Variants in TEC observed in about 807,000 individuals in gnomAD.
TEC encodes the protein tec protein tyrosine kinase.
Under a neutral mutation model 93.0 loss-of-function variants are expected in TEC, and 72 were observed. That is an observed-to-expected ratio of 0.77 (90% CI 0.64 to 0.94). The LOEUF (loss-of-function observed/expected upper bound fraction) is 0.94, where lower values mean the gene tolerates loss of function less well. Among genes scored for constraint, TEC ranks in the 40% least tolerant of loss-of-function variants. TEC has a pLI of 0.00. For missense variants in TEC, 630 were observed against 757.9 expected (o/e 0.83, Z 1.98); for synonymous variants, 249 against 247.7 (o/e 1.01, Z -0.05).
chr4:48,188,548 T>C (rs1238942612), intron 2 of TEC, among the ~76,000 whole-genome samples: 1 of 152,172 alleles, frequency 6.6e-6, no homozygotes, highest in African/African-American at 2.4e-5. Context: ...TCAAAAGTAA[T>C]TTAACAATTC....
chr4:48,255,670 A>T (rs760032412), intron 1 of TEC, among the ~76,000 whole-genome samples: 2 of 152,228 alleles, frequency 1.3e-5, no homozygotes, highest in Non-Finnish European at 2.9e-5. Context: ...TAAGTAATGT[A>T]ACTTCTCAGT....
chr4:48,253,118 T>C (rs1177975182), intron 1 of TEC, among the ~76,000 whole-genome samples: 1 of 152,156 alleles, frequency 6.6e-6, no homozygotes, highest in African/African-American at 2.4e-5. Flanking sequence ...AAAACACAGA[T>C]TGGGAAACAT....
intron 1 of TEC, among the ~76,000 whole-genome samples, chr4:48,256,168 T>C (rs1724336192): frequency 6.6e-6 from 1 of 152,122 alleles, no homozygotes; most frequent in Non-Finnish European, 1.5e-5. Context: ...TTCTACACTT[T>C]CAGCCACAGG....
At chr4:48,146,914 T>C (rs547778089) in intron 11 of TEC, among the ~76,000 whole-genome samples, 1 of 152,308 alleles carries the variant, frequency 6.6e-6, no homozygotes, top group South Asian at 2.1e-4. Context: ...GTATTTCCTC[T>C]ACTACAAGAT....
chr4:48,192,052 AAC>A, intron 2 of TEC, among the ~76,000 whole-genome samples: 1 of 152,354 alleles, frequency 6.6e-6, no homozygotes, highest in Non-Finnish European at 1.5e-5. Flanking sequence ...CACAAAGACT[AAC>A]ACAAAAACTT....
At chr4:48,215,244 C>T (rs1723035601) in intron 2 of TEC, among the ~76,000 whole-genome samples, 7 of 152,218 alleles carry the variant, frequency 4.6e-5, no homozygotes, top group Admixed American at 3.3e-4. Flanking sequence ...CAGTGGCTCA[C>T]GCCTGTAATC....
Position 48,145,549 on chromosome 4 carries a change from G to A in TEC, c.1112C>T (p.Thr371Ile). 6.2e-7 allele frequency: 1 copy of A among 1,614,058 alleles called. No homozygotes were observed. The highest frequency in any genetic ancestry group is 8.5e-7 in the Non-Finnish European group (1 of 1,179,990). ...TCCACTTCCCAATTCCCTCATAAAGGTCAGTTCTGAAGGGTTAATCTCCCA... is the reference window on the plus strand; with the variant it reads ...TCCACTTCCCAATTCCCTCATAAAGATCAGTTCTGAAGGGTTAATCTCCCA... ...EKWEINPSELTFMRELGSGLF... is the reference protein window; with the variant it reads ...EKWEINPSELIFMRELGSGLF... Residue 371 changes from threonine (T) to isoleucine (I), a missense_variant, in exon 13 of 18, where the codon ACC (threonine) becomes ATC (isoleucine). Physicochemically the swap from Thr to Ile is moderately conservative, Grantham distance 89. Around this residue, in one of 3 missense-constraint regions of TEC, gnomAD observed 289 missense variants for 390.0 expected, o/e 0.74. Coordinates refer to ENST00000381501, the MANE Select transcript of TEC (RefSeq NM_003215.3).
intron 2 of TEC, among the ~76,000 whole-genome samples, chr4:48,190,741 G>A (rs920077185): frequency 6.6e-6 from 1 of 152,192 alleles, no homozygotes; most frequent in African/African-American, 2.4e-5. Context: ...GGATATTGCT[G>A]TCTCCTGAGA....
rs779798762 is a variant in TEC, at chr4:48,156,714, T to C, written c.758A>G (p.Asn253Ser). Residue 253 changes from asparagine to serine, a missense_variant, in exon 9 of 18, where the codon AAT becomes AGT. Physicochemically the swap from Asn to Ser is conservative, Grantham distance 46. Transcript: ENST00000381501. ...DQYEWYCRNM[N>S]RSKAEQLLRS... Reference sequence around the variant, plus strand: ...GAGGAGTTGCTCTGCCTTGCTTCTATTCATATTTCTGCAATACCATCTGAA... The same window carrying C: ...GAGGAGTTGCTCTGCCTTGCTTCTACTCATATTTCTGCAATACCATCTGAA... 2 of 1,612,020 alleles carry C rather than the reference T, an allele frequency of 1.2e-6. No individual in the cohort carries two copies. The highest frequency in any genetic ancestry group is 2.2e-5 in the East Asian group (1 of 44,788).
intron 1 of TEC, among the ~76,000 whole-genome samples, chr4:48,267,646 C>T (rs1458184568): frequency 6.6e-6 from 1 of 152,200 alleles, no homozygotes; most frequent in Non-Finnish European, 1.5e-5. Flanking sequence ...ACTTCAGTAA[C>T]TCCACTTTGC....
intron 7 of TEC, among the ~76,000 whole-genome samples, chr4:48,166,732 C>T (rs1356208483): frequency 6.6e-6 from 1 of 151,780 alleles, no homozygotes; most frequent in Non-Finnish European, 1.5e-5. Flanking sequence ...CAATCTTATA[C>T]AGCATCCGAT....
At position 48,156,713 on chromosome 4, in the gene TEC, A is replaced by C. The variant is rs1490707890; in HGVS notation, c.759T>G (p.Asn253Lys). 1 of 1,612,066 alleles carries C rather than the reference A, an allele frequency of 6.2e-7. No homozygotes were observed. The highest frequency in any genetic ancestry group is 8.5e-7 in the Non-Finnish European group (1 of 1,179,396). Residue 253 changes from asparagine to lysine, a missense_variant, in exon 9 of 18, where the codon AAT becomes AAG. This residue lies in a region of TEC where 335 missense variants were observed against 351.5 expected (regional missense o/e 0.95). Transcript: ENST00000381501. ...DQYEWYCRNM[N>K]RSKAEQLLRS... ...GGAGGAGTTGCTCTGCCTTGCTTCT[A>C]TTCATATTTCTGCAATACCATCTGA...
intron 2 of TEC, among the ~76,000 whole-genome samples, chr4:48,204,628 G>A (rs949246170): frequency 2.0e-5 from 3 of 152,184 alleles, no homozygotes; most frequent in Admixed American, 6.5e-5. Context: ...TTTTTCCATG[G>A]ACCTGGGGTG....
intron 2 of TEC, among the ~76,000 whole-genome samples, chr4:48,195,960 C>T (rs1722286955): frequency 6.6e-6 from 1 of 152,174 alleles, no homozygotes; most frequent in Non-Finnish European, 1.5e-5. Flanking sequence ...GCAACAGAAG[C>T]TTTATCTGTC....
At chr4:48,239,443 G>C (rs13125176) in intron 1 of TEC, among the ~76,000 whole-genome samples, 22,286 of 152,016 alleles carry the variant, frequency 0.15, 2,021 homozygotes, top group Non-Finnish European at 0.2. Flanking sequence ...TGTATAAAAC[G>C]AATATTTGTC....
At chr4:48,249,748 C>G (rs1429529409) in intron 1 of TEC, among the ~76,000 whole-genome samples, 1 of 152,230 alleles carries the variant, frequency 6.6e-6, no homozygotes, top group African/African-American at 2.4e-5. Flanking sequence ...TACTAAGACC[C>G]TGGCAGGTGT....
intron 3 of TEC, among the ~76,000 whole-genome samples, chr4:48,173,308 A>C (rs931154361): frequency 2.6e-5 from 4 of 152,140 alleles, no homozygotes; most frequent in African/African-American, 9.7e-5. Flanking sequence ...CCCCCCACCA[A>C]AAAAAACCTA....
chr4:48,189,594 A>G (rs1722021060), intron 2 of TEC, among the ~76,000 whole-genome samples: 1 of 152,224 alleles, frequency 6.6e-6, no homozygotes, highest in Non-Finnish European at 1.5e-5. Context: ...TCAGCCTAGA[A>G]TGGTGCATGG....
intron 2 of TEC, among the ~76,000 whole-genome samples, chr4:48,192,524 GA>G (rs1011551798): frequency 2.0e-5 from 3 of 152,074 alleles, no homozygotes; most frequent in African/African-American, 7.2e-5. Context: ...GTATAATGCT[GA>G]AAAAAATATG....
Sources: gnomAD v4.1 joint callset for allele counts (sites outside exome capture counted in the v4.1 genomes callset) on GRCh38, gnomAD v4.1.1 for gene constraint, gnomAD v4.1.1 regional missense constraint, MANE v1.5 for transcripts, NCBI Gene and HGNC (gene_info 2026-07-23, HGNC 2026-07-21) for gene names.